Variants in YWHAB observed in about 807,000 individuals in gnomAD.
YWHAB encodes tyrosine 3-monooxygenase/tryptophan 5-monooxygenase activation protein beta.
YWHAB carries 2 observed loss-of-function variants against 28.5 expected under a neutral mutation model. The ratio of observed to expected loss-of-function variants is 0.07; its 90% confidence interval spans 0.03 to 0.22. The LOEUF (loss-of-function observed/expected upper bound fraction) is 0.22, where lower values mean the gene tolerates loss of function less well. Among genes scored for constraint, YWHAB ranks in the 10% least tolerant of loss-of-function variants. YWHAB has a pLI of 1.00. For missense variants in YWHAB, 148 were observed against 297.1 expected (o/e 0.50, Z 3.69); for synonymous variants, 103 against 104.7 (o/e 0.98, Z 0.10).
chr20:44,899,478 TCAAA>T (rs1021166462), intron 1 of YWHAB, among the ~76,000 whole-genome samples: 6 of 152,190 alleles, frequency 3.9e-5, no homozygotes, highest in African/African-American at 1.2e-4. Flanking sequence ...AGACTCTGTC[TCAAA>T]CAAACAGACA....
chr20:44,894,229 T>C (rs2066581818), intron 1 of YWHAB, among the ~76,000 whole-genome samples: 1 of 152,202 alleles, frequency 6.6e-6, no homozygotes, highest in Non-Finnish European at 1.5e-5. Context: ...GGAAAATCTC[T>C]TGGCTTACTG....
intron 3 of YWHAB, among the ~76,000 whole-genome samples, chr20:44,904,371 A>G (rs2145540033): frequency 6.6e-6 from 1 of 152,304 alleles, no homozygotes; most frequent in South Asian, 2.1e-4. Context: ...ATTATTTGTT[A>G]GCTCTCTTTT....
intron 1 of YWHAB, among the ~76,000 whole-genome samples, chr20:44,894,835 CG>C (rs1478706239): frequency 6.6e-6 from 1 of 152,222 alleles, no homozygotes; most frequent in Non-Finnish European, 1.5e-5. Flanking sequence ...TGGCACATTG[CG>C]CTGTGACACA....
At chr20:44,892,856 C>T (rs191578900) in intron 1 of YWHAB, among the ~76,000 whole-genome samples, 8 of 152,268 alleles carry the variant, frequency 5.3e-5, no homozygotes, top group Non-Finnish European at 8.8e-5. Flanking sequence ...CAGACCCCAC[C>T]GTATATTTTA....
intron 1 of YWHAB, among the ~76,000 whole-genome samples, chr20:44,889,443 C>A (rs1203243225): frequency 6.6e-6 from 1 of 150,984 alleles, no homozygotes; most frequent in African/African-American, 2.4e-5. Flanking sequence ...TCATTCCTAG[C>A]AGATTGTAGG....
chr20:44,901,524 G>A lies in YWHAB; in HGVS notation c.-3-7G>A. ...TGCTCTTTCTTTTTCTCTTGCTCTT[G>A]TTCTAGGGAATGACAATGGATAAAA... is the stretch of plus-strand genomic sequence containing the variant. On this transcript the variant is annotated splice_polypyrimidine_tract_variant and splice_region_variant and intron_variant, in intron 1 of 5. Coordinates refer to ENST00000353703, the MANE Select transcript of YWHAB (RefSeq NM_139323.4). 6.3e-7 allele frequency: 1 copy of A among 1,581,756 alleles called. No homozygotes were observed. The highest frequency in any genetic ancestry group is 1.1e-5 in the South Asian group (1 of 88,686).
chr20:44,904,484 T>A (rs941194665), intron 3 of YWHAB, among the ~76,000 whole-genome samples: 4 of 152,192 alleles, frequency 2.6e-5, no homozygotes, highest in Non-Finnish European at 5.9e-5. Context: ...CCACACTTTA[T>A]TAAGTGCTTC....
At chr20:44,901,873 A>G in intron 2 of YWHAB, 40 bp downstream of exon 2, 1 of 1,536,810 alleles carries the variant, frequency 6.5e-7, no homozygotes. Context: ...GTGGTTTCTA[A>G]ATAGTATTAA....
chr20:44,889,425 G>A (rs2066547224), intron 1 of YWHAB, among the ~76,000 whole-genome samples: 2 of 151,868 alleles, frequency 1.3e-5, no homozygotes, highest in South Asian at 2.1e-4. Context: ...ATGATCAGTG[G>A]CCTCAAGTCA....
chr20:44,893,277 T>A (rs1378494636), intron 1 of YWHAB, among the ~76,000 whole-genome samples: 1 of 152,214 alleles, frequency 6.6e-6, no homozygotes, highest in Non-Finnish European at 1.5e-5. Context: ...ATTATCTGAT[T>A]TAGGATTTTG....
intron 1 of YWHAB, among the ~76,000 whole-genome samples, chr20:44,896,507 G>A (rs1430160559): frequency 6.6e-6 from 1 of 152,272 alleles, no homozygotes; most frequent in Non-Finnish European, 1.5e-5. Context: ...TGGAAGGCAT[G>A]ATGTGGGGGT....
chr20:44,899,304 A>C (rs1194949318), intron 1 of YWHAB, among the ~76,000 whole-genome samples: 1 of 152,192 alleles, frequency 6.6e-6, no homozygotes, highest in Non-Finnish European at 1.5e-5. Flanking sequence ...AAATGGCAAA[A>C]TCCCATCTCT....
chr20:44,900,611 A>G (rs1239860866), intron 1 of YWHAB, among the ~76,000 whole-genome samples: 2 of 152,194 alleles, frequency 1.3e-5, no homozygotes, highest in Non-Finnish European at 2.9e-5. Flanking sequence ...AACAAACATC[A>G]TACTTACTCT....
intron 3 of YWHAB, 25 bp downstream of exon 3, chr20:44,904,141 T>C (rs2066642753): frequency 6.2e-7 from 1 of 1,610,954 alleles, no homozygotes. Context: ...TAAAAAGAAA[T>C]TCGACCAGTA....
chr20:44,906,118 T>TGGAG, intron 5 of YWHAB, 22 bp downstream of exon 5: 1 of 1,568,748 alleles, frequency 6.4e-7, no homozygotes, highest in Non-Finnish European at 8.8e-7. Context: ...TTCCACAGGG[T>TGGAG]TTATAGTCTC....
chr20:44,892,107 T>C (rs1891837299), intron 1 of YWHAB, among the ~76,000 whole-genome samples: 1 of 152,216 alleles, frequency 6.6e-6, no homozygotes, highest in South Asian at 2.1e-4. Context: ...CTAAAACTTC[T>C]GCTGTACAGT....
chr20:44,900,073 G>A (rs1481094864), intron 1 of YWHAB, among the ~76,000 whole-genome samples: 3 of 151,780 alleles, frequency 2.0e-5, no homozygotes, highest in African/African-American at 7.3e-5. Flanking sequence ...TTAGAGACAG[G>A]GGTCTCAGTT....
At chr20:44,897,713 G>C (rs1024927644) in intron 1 of YWHAB, among the ~76,000 whole-genome samples, 1 of 152,106 alleles carries the variant, frequency 6.6e-6, no homozygotes, top group Non-Finnish European at 1.5e-5. Context: ...TTGAATCTGT[G>C]TATCTGGAAC....
chr20:44,890,100 T>C (rs148713044), intron 1 of YWHAB, among the ~76,000 whole-genome samples: 24 of 152,338 alleles, frequency 1.6e-4, no homozygotes, highest in Admixed American at 9.8e-4. Context: ...ATTTTTGTTA[T>C]TTACTAAACG....
Sources: gnomAD v4.1 joint callset for allele counts (sites outside exome capture counted in the v4.1 genomes callset) on GRCh38, gnomAD v4.1.1 for gene constraint, MANE v1.5 for transcripts, NCBI Gene and HGNC (gene_info 2026-07-23, HGNC 2026-07-21) for gene names.